DPP6: variants seen among roughly 807,000 people sequenced by gnomAD.
DPP6 encodes A-type potassium channel modulatory protein DPP6.
DPP6 carries 69 observed loss-of-function variants against 122.6 expected under a neutral mutation model. The ratio of observed to expected loss-of-function variants is 0.56; its 90% confidence interval spans 0.46 to 0.69. The LOEUF (loss-of-function observed/expected upper bound fraction) is 0.69, where lower values mean the gene tolerates loss of function less well. DPP6 is among the 30% of genes least tolerant of loss of function. The pLI, the probability that DPP6 is intolerant of heterozygous loss-of-function variation, is 0.00. For synonymous variants in DPP6, 418 were observed against 433.1 expected (o/e 0.97, Z 0.43); for missense variants, 928 against 1,116.9 (o/e 0.83, Z 2.41).
chr7:153,820,240 G>C, the DPP6 span, among the ~76,000 whole-genome samples: 2 of 152,184 alleles, frequency 1.3e-5, no homozygotes, highest in East Asian at 3.8e-4. Flanking sequence ...ACAGATGTAG[G>C]ATACACTGCA....
the DPP6 span, among the ~76,000 whole-genome samples, chr7:153,753,225 T>A: frequency 6.6e-6 from 1 of 151,560 alleles, no homozygotes; most frequent in African/African-American, 2.4e-5. Flanking sequence ...TTTATCCTGC[T>A]AGGAGTTCAC....
chr7:154,082,890 C>T (rs1251259273), intron 1 of DPP6, among the ~76,000 whole-genome samples: 1 of 139,876 alleles, frequency 7.1e-6, no homozygotes, highest in Admixed American at 7.9e-5. Context: ...ACTCTGTCAC[C>T]CAGGCTGGAG....
At chr7:154,532,634 G>A (rs1427706215) in intron 3 of DPP6, among the ~76,000 whole-genome samples, 2 of 152,038 alleles carry the variant, frequency 1.3e-5, no homozygotes, top group Non-Finnish European at 2.9e-5. Context: ...AGGAAATAAA[G>A]TAGGGAGATA....
chr7:154,865,967 G>A (rs562277493), intron 17 of DPP6, among the ~76,000 whole-genome samples: 65 of 152,310 alleles, frequency 4.3e-4, no homozygotes, highest in African/African-American at 1.5e-3. Context: ...ATACCTTGGC[G>A]AGGGGTAGGG....
chr7:153,979,433 A>G (rs987049553), intron 1 of DPP6, among the ~76,000 whole-genome samples: 1 of 152,254 alleles, frequency 6.6e-6, no homozygotes, highest in African/African-American at 2.4e-5. Flanking sequence ...TTATCAGCTT[A>G]AGGAGTTTTT....
At position 154,618,054 on chromosome 7, in the gene DPP6, G is replaced by A. The variant is rs903847568; in HGVS notation, c.628-19767G>A. Among the ~76,000 whole-genome samples, 1 of 152,136 alleles carries A rather than the reference G, an allele frequency of 6.6e-6. No individual in the cohort carries two copies. The highest frequency in any genetic ancestry group is 1.5e-5 in the Non-Finnish European group (1 of 68,032). ...TTTCTCTCTTGGTCTCTCCCACAATGCTGTCTGCTCACACAGGCTTTCCCC... is the reference window on the plus strand; with the variant it reads ...TTTCTCTCTTGGTCTCTCCCACAATACTGTCTGCTCACACAGGCTTTCCCC... On this transcript the variant is annotated intron_variant, in intron 5 of 25. Transcript: ENST00000377770. This position sits in a 1 kb window ranked among gnomAD's most constrained non-coding sequence, Gnocchi z 4.1.
intron 17 of DPP6, among the ~76,000 whole-genome samples, chr7:154,854,414 T>G (rs1249626421): frequency 7.2e-5 from 11 of 152,136 alleles, no homozygotes. Context: ...AAGGGGTCCG[T>G]GGATGGAAAA....
intron 1 of DPP6, among the ~76,000 whole-genome samples, chr7:154,106,766 C>T (rs1806191430): frequency 6.6e-6 from 1 of 152,042 alleles, no homozygotes. Context: ...AGAAAAGAGG[C>T]TGAAAGGCTG....
At chr7:154,698,885 G>C (rs1840363220) in intron 7 of DPP6, among the ~76,000 whole-genome samples, 2 of 152,210 alleles carry the variant, frequency 1.3e-5, no homozygotes, top group South Asian at 4.1e-4. Context: ...CATCCTCTAG[G>C]AGGCACTAAT....
chr7:154,356,573 C>T (rs572150245), intron 1 of DPP6, among the ~76,000 whole-genome samples: 2 of 151,818 alleles, frequency 1.3e-5, no homozygotes, highest in Admixed American at 1.3e-4. Context: ...ATCCCCCAAC[C>T]CCCCCACCAA....
the DPP6 span, among the ~76,000 whole-genome samples, chr7:153,773,289 GTGTC>G: frequency 7.0e-6 from 1 of 142,930 alleles, no homozygotes; most frequent in Non-Finnish European, 1.5e-5. Flanking sequence ...GTGTGTGTGT[GTGTC>G]TGTGTGTGTA....
chr7:154,853,888 T>A, intron 17 of DPP6, 61 bp downstream of exon 17: 1 of 1,602,806 alleles, frequency 6.2e-7, no homozygotes, highest in Non-Finnish European at 8.5e-7. Flanking sequence ...AGCAAAACAC[T>A]CTATGAGATC....
intron 1 of DPP6, among the ~76,000 whole-genome samples, chr7:154,280,967 A>T (rs1488724767): frequency 6.6e-6 from 1 of 150,828 alleles, no homozygotes; most frequent in Non-Finnish European, 1.5e-5. Context: ...TAACAAGAAC[A>T]CAATTTTATT....
intron 16 of DPP6, 36 bp downstream of exon 16, chr7:154,807,148 TG>T: frequency 6.4e-7 from 1 of 1,572,224 alleles, no homozygotes; most frequent in Non-Finnish European, 8.6e-7. Flanking sequence ...CAAAGAGCCC[TG>T]GCAGGCACAT....
chr7:154,600,241 A>C (rs555455640), intron 5 of DPP6, among the ~76,000 whole-genome samples: 24,221 of 101,068 alleles, frequency 0.24, 3,788 homozygotes, highest in East Asian at 0.44. Flanking sequence ...GATTCTCCTG[A>C]CTCAGCCTCC....
At chr7:154,294,123 T>C (rs1364911316) in intron 1 of DPP6, among the ~76,000 whole-genome samples, 1 of 152,224 alleles carries the variant, frequency 6.6e-6, no homozygotes, top group East Asian at 1.9e-4. Flanking sequence ...CTTTCACTGA[T>C]GGGCAACCCT....
chr7:154,700,355 T>A (rs1161841893), intron 7 of DPP6, among the ~76,000 whole-genome samples: 2 of 152,228 alleles, frequency 1.3e-5, no homozygotes, highest in Non-Finnish European at 2.9e-5. Flanking sequence ...AAAACAGAGT[T>A]CAGTAACAGG....
In DPP6 at chr7:153,998,626, C is replaced by T. The variant is rs2628978; in HGVS notation, c.51+110892C>T. 3.9e-5 allele frequency among the ~76,000 whole-genome samples: 6 copies of T among 152,296 alleles called. No individual in the cohort carries two copies. The East Asian group carries it at 5.8e-4, about 15-fold the overall frequency. ...CAGAGGAAACCAACTAAACACTCAC[C>T]TGTAATGAGATGGGAAGTGATTACA... On this transcript the variant is annotated intron_variant, in intron 1 of 25. Transcript: ENST00000404039.
intron 1 of DPP6, among the ~76,000 whole-genome samples, chr7:154,112,840 C>A (rs202098159): frequency 1.1e-4 from 16 of 150,840 alleles, no homozygotes; most frequent in African/African-American, 2.7e-4. Flanking sequence ...ATATCTAGAA[C>A]TTATTTCATT....
Sources: gnomAD v4.1 joint callset for allele counts (sites outside exome capture counted in the v4.1 genomes callset) on GRCh38, gnomAD v4.1.1 for gene constraint, Gnocchi (gnomAD v3.1) non-coding constraint, MANE v1.5 for transcripts, NCBI Gene and HGNC (gene_info 2026-07-23, HGNC 2026-07-21) for gene names.